The following MXI1 variants were observed in gnomAD, a reference collection of about 807,000 sequenced individuals.
MXI1 encodes the protein max-interacting protein 1.
Under a neutral mutation model 36.9 loss-of-function variants are expected in MXI1, and 18 were observed. The observed-to-expected ratio is 0.49, with a 90% CI of 0.34 to 0.72. MXI1 has a LOEUF of 0.72. Ranked by LOEUF, MXI1 falls within the 30% of genes least tolerant of loss-of-function variation. The probability of loss-of-function intolerance (pLI) is 0.01; values close to 1 mark genes in which losing one functional copy is unlikely to be tolerated. For missense variants in MXI1, 304 were observed against 379.1 expected (o/e 0.80, Z 1.64); for synonymous variants, 160 against 146.7 (o/e 1.09, Z -0.65).
intron 1 of MXI1, among the ~76,000 whole-genome samples, chr10:110,217,107 C>T (rs1217203250): frequency 1.3e-5 from 2 of 152,034 alleles, no homozygotes; most frequent in African/African-American, 4.8e-5. Context: ...CAGATAGGGG[C>T]CTTCTGCACT....
chr10:110,273,162 T>C (rs1856913760), intron 3 of MXI1, among the ~76,000 whole-genome samples: 1 of 151,120 alleles, frequency 6.6e-6, no homozygotes, highest in African/African-American at 2.4e-5. Context: ...ACTCTCCTGC[T>C]TCGGCCTCCC....
intron 1 of MXI1, among the ~76,000 whole-genome samples, chr10:110,211,072 TC>T (rs1854500358): frequency 7.5e-6 from 1 of 132,648 alleles, no homozygotes; most frequent in South Asian, 2.2e-4. Context: ...GTTGTGTACG[TC>T]TTTTTTTTTT....
chr10:110,249,797 T>C (rs528814366), intron 3 of MXI1, among the ~76,000 whole-genome samples: 3 of 152,302 alleles, frequency 2.0e-5, no homozygotes, highest in African/African-American at 7.2e-5. Flanking sequence ...CCTACTACTC[T>C]GGATATAAGC....
intron 2 of MXI1, among the ~76,000 whole-genome samples, chr10:110,237,335 G>C (rs546202487): frequency 5.3e-5 from 8 of 152,114 alleles, no homozygotes; most frequent in Non-Finnish European, 1.2e-4. Context: ...GTTTTTCTTA[G>C]ATGCCTTTTA....
At chr10:110,227,325 C>T (rs2134353031) in intron 1 of MXI1, 3 of 961,972 alleles carry the variant, frequency 3.1e-6, no homozygotes, top group South Asian at 4.9e-5. Flanking sequence ...GAGGGGCGCG[C>T]GTGCGTGGGG....
At chr10:110,234,335 C>T (rs777735402) in intron 2 of MXI1, among the ~76,000 whole-genome samples, 7 of 152,138 alleles carry the variant, frequency 4.6e-5, no homozygotes, top group Non-Finnish European at 7.4e-5. Flanking sequence ...GAGTGTATTT[C>T]CAGGTCCCAT....
chr10:110,236,468 T>A (rs1855482341), intron 2 of MXI1, among the ~76,000 whole-genome samples: 1 of 152,124 alleles, frequency 6.6e-6, no homozygotes, highest in Non-Finnish European at 1.5e-5. Context: ...ATTAATTTAT[T>A]TTTTTGAGAC....
chr10:110,273,779 AAAGTC>A (rs1590401972), intron 3 of MXI1, among the ~76,000 whole-genome samples: 1 of 152,198 alleles, frequency 6.6e-6, no homozygotes, highest in East Asian at 1.9e-4. Flanking sequence ...GTTATCTGGT[AAAGTC>A]TAGGTATCCT....
At chr10:110,266,045 C>A (rs1249283249) in intron 3 of MXI1, among the ~76,000 whole-genome samples, 3 of 152,016 alleles carry the variant, frequency 2.0e-5, no homozygotes, top group South Asian at 4.2e-4. Context: ...AACCTTCTTA[C>A]TAATTTATGG....
rs551796909 is a variant in MXI1, at chr10:110,287,196, TATA to T, written c.*2211_*2213del. On this transcript the variant is annotated 3_prime_UTR_variant, in exon 6 of 6. Transcript: ENST00000332674. ...GGATTATGGGCTGGAAAGCATTTGT[TATA>T]AACCTATAGTGCACATTTTAACTGC... The T allele has an allele frequency of 1.3e-5, 2 of 152,350 alleles. No individual in the cohort carries two copies. Among genetic ancestry groups the T allele is most frequent in the Non-Finnish European group, 2.9e-5 (2 of 68,024 alleles). 9.4% of individuals were successfully genotyped at this position (152,350 alleles called of 1,614,324 possible). A position where few individuals can be genotyped will look rare whatever the true frequency, so the allele number is the denominator to read the frequency against.
intron 1 of MXI1, among the ~76,000 whole-genome samples, chr10:110,223,853 C>T (rs1266027537): frequency 2.7e-5 from 4 of 150,130 alleles, no homozygotes; most frequent in African/African-American, 4.9e-5. Flanking sequence ...CTGTGGCTTG[C>T]GAACACCTCT....
At chr10:110,245,549 C>T (rs551690728) in intron 3 of MXI1, among the ~76,000 whole-genome samples, 2 of 152,080 alleles carry the variant, frequency 1.3e-5, no homozygotes, top group Non-Finnish European at 2.9e-5. Flanking sequence ...GCAGTGTATA[C>T]TGAGGAAACT....
At chr10:110,218,223 G>A (rs1460202354) in intron 1 of MXI1, among the ~76,000 whole-genome samples, 2 of 152,130 alleles carry the variant, frequency 1.3e-5, no homozygotes, top group Non-Finnish European at 2.9e-5. Context: ...GGCCGAGGTG[G>A]GCGGATCACG....
intron 1 of MXI1, among the ~76,000 whole-genome samples, chr10:110,220,398 C>T (rs1854772108): frequency 6.6e-6 from 1 of 152,228 alleles, no homozygotes; most frequent in Admixed American, 6.5e-5. Context: ...GTGAGATCAG[C>T]TATACCTTGG....
intron 1 of MXI1, among the ~76,000 whole-genome samples, chr10:110,221,802 C>T (rs558254477): frequency 6.6e-6 from 1 of 152,214 alleles, no homozygotes; most frequent in Non-Finnish European, 1.5e-5. Flanking sequence ...ACTGCCTCCC[C>T]CTGGCGTTCC....
chr10:110,284,844 G>C lies in MXI1; in HGVS notation c.745G>C (p.Glu249Gln). 1 of 1,602,484 alleles carries C rather than the reference G, an allele frequency of 6.2e-7. No individual in the cohort carries two copies. The highest frequency in any genetic ancestry group is 8.5e-7 in the Non-Finnish European group (1 of 1,175,812). The stretch of plus-strand genomic sequence containing the variant: ...GGCAGAGGAGATTGAAGTGGATGTT[G>C]AAAGCACAGAGTTCTCCCATGGAGA... ...SEREEIEVDVESTEFSHGEVD... is the reference protein window; with the variant it reads ...SEREEIEVDVQSTEFSHGEVD... The change falls in exon 6 of 6, where the codon GAA (glutamate) becomes CAA (glutamine). Residue 249 changes from glutamate to glutamine, a missense_variant. Glu to Gln is a conservative substitution (Grantham distance 29). Coordinates refer to ENST00000332674, the MANE Select transcript of MXI1 (RefSeq NM_130439.3).
At chr10:110,232,569 T>C (rs1855314191) in intron 2 of MXI1, among the ~76,000 whole-genome samples, 1 of 152,216 alleles carries the variant, frequency 6.6e-6, no homozygotes, top group African/African-American at 2.4e-5. Context: ...TTCACTGGAT[T>C]AAAAACCCTG....
intron 3 of MXI1, among the ~76,000 whole-genome samples, chr10:110,271,865 A>G (rs1331835606): frequency 5.9e-5 from 9 of 152,326 alleles, no homozygotes; most frequent in Admixed American, 5.9e-4. Flanking sequence ...AGACTAAATG[A>G]CATTTCAGCC....
At chr10:110,253,277 C>T (rs1252168370) in intron 3 of MXI1, among the ~76,000 whole-genome samples, 1 of 151,842 alleles carries the variant, frequency 6.6e-6, no homozygotes, top group Admixed American at 6.6e-5. Flanking sequence ...TCTATACTGC[C>T]TATCGTGTCC....
Sources: allele counts gnomAD v4.1 joint callset (sites outside exome capture counted in the v4.1 genomes callset), GRCh38; gene constraint gnomAD v4.1.1; transcripts MANE v1.5; gene names NCBI Gene and HGNC (gene_info 2026-07-23, HGNC 2026-07-21).